Variants in ARNT2 observed in about 807,000 individuals in gnomAD.
ARNT2 encodes the protein aryl hydrocarbon receptor nuclear translocator 2.
A neutral mutation model predicts 91.7 loss-of-function variants in ARNT2; 36 were observed. The ratio of observed to expected loss-of-function variants is 0.39; its 90% confidence interval spans 0.30 to 0.52. The LOEUF is 0.52. Among genes scored for constraint, ARNT2 ranks in the 20% least tolerant of loss-of-function variants. The probability of loss-of-function intolerance (pLI) is 0.72; values close to 1 mark genes in which losing one functional copy is unlikely to be tolerated. For synonymous variants in ARNT2, 365 were observed against 347.1 expected, an observed-to-expected ratio of 1.05 and a Z score of -0.57; for missense variants, 775 against 939.3, an observed-to-expected ratio of 0.83 and a Z score of 2.29.
intron 1 of ARNT2, among the ~76,000 whole-genome samples, chr15:80,414,620 G>A (rs187341289): frequency 2.0e-5 from 3 of 152,292 alleles, no homozygotes; most frequent in African/African-American, 7.2e-5. Flanking sequence ...TTTTAGAACA[G>A]CATTGATGTT....
chr15:80,515,086 T>A (rs1034003245), intron 8 of ARNT2, among the ~76,000 whole-genome samples: 3 of 152,194 alleles, frequency 2.0e-5, no homozygotes, highest in Non-Finnish European at 4.4e-5. Flanking sequence ...GTATTCTCAC[T>A]AAGATGGTTA....
In ARNT2 at chr15:80,486,424, G is replaced by C. The variant is rs115741141; in HGVS notation, c.622+11201G>C. 1.9e-3 allele frequency among the ~76,000 whole-genome samples: 296 copies of C among 152,218 alleles called. 2 individuals carry two copies. The highest frequency in any genetic ancestry group is 6.9e-3 in the African/African-American group (287 of 41,534). ...TATGTAGGCAGTGAAACCAACAAGG[G>C]GAGTTGATCCACTCACTCTAGTCCT... On this transcript the variant is annotated intron_variant, in intron 5 of 18. Transcript: ENST00000303329.
chr15:80,522,991 G>A (rs1897578428), intron 8 of ARNT2, among the ~76,000 whole-genome samples: 1 of 152,070 alleles, frequency 6.6e-6, no homozygotes, highest in South Asian at 2.1e-4. Context: ...TATAGATCCA[G>A]AAAGTCTTGA....
chr15:80,584,367 TG>T (rs1449306311), intron 17 of ARNT2, among the ~76,000 whole-genome samples: 2 of 152,058 alleles, frequency 1.3e-5, no homozygotes, highest in Non-Finnish European at 2.9e-5. Flanking sequence ...GAGTGCTGGC[TG>T]GGAGAAGAGG....
At chr15:80,593,076 C>A (rs1344675948) in intron 18 of ARNT2, among the ~76,000 whole-genome samples, 1 of 152,176 alleles carries the variant, frequency 6.6e-6, no homozygotes, top group Non-Finnish European at 1.5e-5. Context: ...TAGTGCTATT[C>A]CCGTTTTCTG....
intron 11 of ARNT2, among the ~76,000 whole-genome samples, chr15:80,558,333 C>CTTTT (rs56720700): frequency 5.8e-5 from 6 of 103,366 alleles, no homozygotes; most frequent in Non-Finnish European, 9.6e-5. Context: ...TACGTCTGTG[C>CTTTT]TTTTTTTTTT....
intron 8 of ARNT2, among the ~76,000 whole-genome samples, chr15:80,550,603 T>A (rs527785831): frequency 6.6e-6 from 1 of 152,326 alleles, no homozygotes; most frequent in East Asian, 1.9e-4. Flanking sequence ...TTCTAACCCC[T>A]GTGAAGAGTG....
chr15:80,562,784 G>A (rs184103678), intron 11 of ARNT2: 45 of 384,970 alleles, frequency 1.2e-4, no homozygotes, highest in Admixed American at 5.7e-4. Context: ...GGCTTGCAGA[G>A]TTTTCATGAT....
At chr15:80,574,279 A>G (rs1898631140) in intron 13 of ARNT2, 59 bp downstream of exon 13, 3 of 1,521,568 alleles carry the variant, frequency 2.0e-6, no homozygotes, top group South Asian at 2.2e-5. Flanking sequence ...TGGACTTGGG[A>G]CTCAATTCAG....
At chr15:80,438,488 A>G (rs1437113839) in intron 1 of ARNT2, among the ~76,000 whole-genome samples, 5 of 152,260 alleles carry the variant, frequency 3.3e-5, no homozygotes, top group Admixed American at 2.0e-4. Flanking sequence ...GTCTAAACAG[A>G]AACAGGTAGA....
At chr15:80,560,502 T>G in intron 11 of ARNT2, among the ~76,000 whole-genome samples, 1 of 152,174 alleles carries the variant, frequency 6.6e-6, no homozygotes, top group Non-Finnish European at 1.5e-5. Context: ...CTCCTAAGGC[T>G]GAGCTTCCCT....
At chr15:80,534,039 C>T (rs1268976918) in intron 8 of ARNT2, among the ~76,000 whole-genome samples, 1 of 152,224 alleles carries the variant, frequency 6.6e-6, no homozygotes, top group Non-Finnish European at 1.5e-5. Context: ...TGCAACTTCC[C>T]CTCTAGGCAA....
At chr15:80,587,154 G>A (rs1463742944) in intron 17 of ARNT2, among the ~76,000 whole-genome samples, 3 of 152,240 alleles carry the variant, frequency 2.0e-5, no homozygotes, top group African/African-American at 4.8e-5. Context: ...TGTAAGGTGC[G>A]TTTTTCTTCT....
chr15:80,409,856 G>T (rs111807059), intron 1 of ARNT2, among the ~76,000 whole-genome samples: 1 of 152,248 alleles, frequency 6.6e-6, no homozygotes, highest in Non-Finnish European at 1.5e-5. Flanking sequence ...GAGCATTCCA[G>T]GCACAAGGAA....
chr15:80,529,034 C>A (rs1897692737), intron 8 of ARNT2, among the ~76,000 whole-genome samples: 1 of 152,114 alleles, frequency 6.6e-6, no homozygotes, highest in Admixed American at 6.5e-5. Context: ...CACCATGCCC[C>A]CTCCATTGTT....
chr15:80,575,351 C>A (rs916827196), intron 14 of ARNT2, among the ~76,000 whole-genome samples: 1 of 152,056 alleles, frequency 6.6e-6, no homozygotes, highest in Non-Finnish European at 1.5e-5. Context: ...TATCGCATTG[C>A]GGGTGAACAT....
Position 80,544,193 on chromosome 15 carries a change from G to A in ARNT2, c.878-7006G>A, listed in dbSNP as rs113830273. Among the ~76,000 whole-genome samples the A allele has an allele frequency of 3.4e-3, 516 of 152,310 alleles. 2 individuals carry two copies. The highest frequency in any genetic ancestry group is 0.012 in the African/African-American group (482 of 41,556). On this transcript the variant is annotated intron_variant, in intron 8 of 18. Transcript: ENST00000303329. ...TGTTTGTTTGCTAATTCTAAAATCT[G>A]TGTCAGTTCTGCGTCATGTTTTGGC...
intron 3 of ARNT2, among the ~76,000 whole-genome samples, chr15:80,461,003 T>C (rs568981071): frequency 6.6e-6 from 1 of 152,236 alleles, no homozygotes; most frequent in Admixed American, 6.5e-5. Context: ...GTGGAGGGAT[T>C]AATTCTCGTG....
chr15:80,408,916 C>T (rs1440714822), intron 1 of ARNT2, among the ~76,000 whole-genome samples: 1 of 152,108 alleles, frequency 6.6e-6, no homozygotes, highest in Non-Finnish European at 1.5e-5. Context: ...TTTAAAGGCT[C>T]CTTTTTTAGG....
Sources: gnomAD v4.1 joint callset for allele counts (sites outside exome capture counted in the v4.1 genomes callset) on GRCh38, gnomAD v4.1.1 for gene constraint, MANE v1.5 for transcripts, NCBI Gene and HGNC (gene_info 2026-07-23, HGNC 2026-07-21) for gene names.